The following IPP variants were observed in gnomAD, a reference collection of about 807,000 sequenced individuals.
The protein encoded by IPP is actin-binding protein IPP.
In IPP, 41 loss-of-function variants were observed where a neutral mutation model predicts 64.1. That is an observed-to-expected ratio of 0.64 (90% CI 0.50 to 0.83). IPP has a LOEUF of 0.83. Among genes scored for constraint, IPP ranks in the 40% least tolerant of loss-of-function variants. The pLI is 0.00. For synonymous variants in IPP, 214 were observed against 235.2 expected, an observed-to-expected ratio of 0.91 and a Z score of 0.83; for missense variants, 649 against 703.0, an observed-to-expected ratio of 0.92 and a Z score of 0.87.
chr1:45,730,794 G>C (rs1645895856), intron 3 of IPP, among the ~76,000 whole-genome samples: 2 of 152,168 alleles, frequency 1.3e-5, no homozygotes, highest in African/African-American at 4.8e-5. Flanking sequence ...CAATATTGAA[G>C]AAAAATGGTC....
intron 2 of IPP, among the ~76,000 whole-genome samples, chr1:45,741,594 G>C (rs1321267185): frequency 6.7e-6 from 1 of 148,920 alleles, no homozygotes; most frequent in Non-Finnish European, 1.5e-5. Flanking sequence ...ATAATCCCAT[G>C]TGGTAGATAT....
intron 3 of IPP, among the ~76,000 whole-genome samples, chr1:45,736,391 A>G (rs1645981927): frequency 6.6e-6 from 1 of 152,164 alleles, no homozygotes; most frequent in South Asian, 2.1e-4. Flanking sequence ...TAAATTGCCT[A>G]AATTATTTCA....
At chr1:45,724,891 G>T (rs1645791238) in intron 5 of IPP, among the ~76,000 whole-genome samples, 2 of 149,942 alleles carry the variant, frequency 1.3e-5, no homozygotes, top group African/African-American at 4.9e-5. Context: ...GGGAGGTGGG[G>T]GGGGTCAGCC....
At chr1:45,748,953 CAG>C (rs1296430464) in intron 1 of IPP, among the ~76,000 whole-genome samples, 3 of 129,320 alleles carry the variant, frequency 2.3e-5, no homozygotes, top group African/African-American at 8.9e-5. Context: ...GCCTGGGCAA[CAG>C]AGAGACTCCG....
chr1:45,739,585 T>C (rs1397974476), intron 3 of IPP, among the ~76,000 whole-genome samples: 1 of 151,936 alleles, frequency 6.6e-6, no homozygotes, highest in African/African-American at 2.4e-5. Context: ...AATTTAAACA[T>C]CATTTTTCTA....
chr1:45,731,833 G>A (rs753011573), intron 3 of IPP, among the ~76,000 whole-genome samples: 3 of 151,520 alleles, frequency 2.0e-5, no homozygotes, highest in African/African-American at 4.9e-5. Context: ...CTACTCAGGA[G>A]GCTGAGGCAG....
chr1:45,694,384 C>T (rs1645367746), downstream of IPP: 2 of 1,055,742 alleles, frequency 1.9e-6, no homozygotes, highest in African/African-American at 1.6e-5. Flanking sequence ...TAGTTATCCA[C>T]TTAAACATTT....
At chr1:45,743,995 C>T (rs1442137534) in intron 2 of IPP, among the ~76,000 whole-genome samples, 3 of 146,300 alleles carry the variant, frequency 2.1e-5, no homozygotes, top group South Asian at 4.3e-4. Flanking sequence ...CCAGCCTGGG[C>T]GACAAAGTGA....
chr1:45,696,397 CCTA>C (rs1232111815), downstream of IPP, among the ~76,000 whole-genome samples: 1 of 152,190 alleles, frequency 6.6e-6, no homozygotes, highest in African/African-American at 2.4e-5. Context: ...CTTGTGCAAT[CCTA>C]CTACAGTTTG....
chr1:45,741,628 T>TAAAGAAACAGAATCAAAG (rs1307150264), intron 2 of IPP, among the ~76,000 whole-genome samples: 3 of 96,470 alleles, frequency 3.1e-5, no homozygotes, highest in Admixed American at 9.6e-5. Context: ...ATTTTCTTTT[T>TAAAGAAACAGAATCAAAG]TTTTTTTTTT....
At chr1:45,695,259 G>C (rs1277530710), downstream of IPP, among the ~76,000 whole-genome samples, 1 of 152,088 alleles carries the variant, frequency 6.6e-6, no homozygotes, top group Admixed American at 6.6e-5. Flanking sequence ...CGACCTCCTG[G>C]GCTCAAGCAA....
At chr1:45,720,955 A>C (rs1645723079) in intron 5 of IPP, among the ~76,000 whole-genome samples, 1 of 152,108 alleles carries the variant, frequency 6.6e-6, no homozygotes, top group Non-Finnish European at 1.5e-5. Context: ...AGATGCAAGA[A>C]ACATTAACAA....
chr1:45,726,953 T>C (rs538782847), intron 5 of IPP, among the ~76,000 whole-genome samples: 15 of 152,262 alleles, frequency 9.9e-5, no homozygotes, highest in African/African-American at 3.6e-4. Context: ...CTTGAACTCC[T>C]GACCTCAGGT....
rs190036979 is a variant in IPP at position 45,704,944 on chromosome 1, C to G, written c.1531-4754G>C. ...AGTACCACCCTTTTTCTAGAAAATT[C>G]TGAATAACCCACCACTTAATTTGCA... On this transcript the variant is annotated intron_variant, in intron 8 of 8. Coordinates refer to ENST00000396478, the MANE Select transcript of IPP (RefSeq NM_005897.3). Among the ~76,000 whole-genome samples, 105 of 152,320 alleles carry G rather than the reference C, an allele frequency of 6.9e-4. 1 individual carries two copies. The highest frequency in any genetic ancestry group is 1.0e-4 in the Non-Finnish European group (7 of 68,028).
At chr1:45,738,853 A>ACAAAAAAAACAAAC (rs1231472047) in intron 3 of IPP, among the ~76,000 whole-genome samples, 36 of 148,988 alleles carry the variant, frequency 2.4e-4, no homozygotes, top group African/African-American at 8.2e-4. Context: ...AAAAAAAAAA[A>ACAAAAAAAACAAAC]AAAAAAAAAA....
At chr1:45,734,867 C>G (rs1332198230) in intron 3 of IPP, among the ~76,000 whole-genome samples, 1 of 152,192 alleles carries the variant, frequency 6.6e-6, no homozygotes, top group Admixed American at 6.5e-5. Flanking sequence ...CCAACCTCCA[C>G]CTCCCAGGTT....
At chr1:45,702,552 T>G (rs1280343858) in intron 8 of IPP, among the ~76,000 whole-genome samples, 1 of 152,146 alleles carries the variant, frequency 6.6e-6, no homozygotes, top group Non-Finnish European at 1.5e-5. Flanking sequence ...CCTCCTGGGT[T>G]GGAGCAATTC....
At chr1:45,743,605 T>C (rs1017236020) in intron 2 of IPP, among the ~76,000 whole-genome samples, 43 of 152,088 alleles carry the variant, frequency 2.8e-4, no homozygotes, top group Non-Finnish European at 1.8e-4. Flanking sequence ...GTCCTACAGG[T>C]ACTCAGGAGG....
intron 1 of IPP, among the ~76,000 whole-genome samples, chr1:45,747,078 C>T (rs549903609): frequency 6.6e-6 from 1 of 152,034 alleles, no homozygotes; most frequent in African/African-American, 2.4e-5. Context: ...TATCAAATAC[C>T]CTACCACCCT....
Sources: allele counts gnomAD v4.1 joint callset (sites outside exome capture counted in the v4.1 genomes callset), GRCh38; gene constraint gnomAD v4.1.1; transcripts MANE v1.5; gene names NCBI Gene and HGNC (gene_info 2026-07-23, HGNC 2026-07-21).